PDZD2: variants seen among roughly 807,000 people sequenced by gnomAD.
The protein encoded by PDZD2 is PDZ domain containing 2.
PDZD2 carries 90 observed loss-of-function variants against 220.7 expected under a neutral mutation model. The observed-to-expected ratio is 0.41, with a 90% CI of 0.34 to 0.49. The LOEUF (loss-of-function observed/expected upper bound fraction) is 0.49. PDZD2 is among the 20% of genes least tolerant of loss of function. The probability of loss-of-function intolerance (pLI) is 0.28; values close to 1 mark genes in which losing one functional copy is unlikely to be tolerated. For synonymous variants in PDZD2, 1,375 were observed against 1,450.5 expected (o/e 0.95, Z 1.18); for missense variants, 3,174 against 3,608.5 (o/e 0.88, Z 3.08).
intron 19 of PDZD2, among the ~76,000 whole-genome samples, chr5:32,086,663 T>TTTGTTGTTGTTGTTG (rs57422179): frequency 4.0e-5 from 6 of 150,586 alleles, no homozygotes; most frequent in Admixed American, 6.6e-5. Flanking sequence ...AGAACGCCGT[T>TTTGTTGTTGTTGTTG]TTGTTGTTGT....
Position 31,721,684 on chromosome 5 carries a change from A to C in PDZD2, c.-360-77205A>C, listed in dbSNP as rs1748805894. ...AATTAAATTATGCCTAATGCTTTGC[A>C]ATTTTTTTCTGCCTTCCCTATCTTA... is the stretch of plus-strand genomic sequence containing the variant. On this transcript the variant is annotated intron_variant, in intron 1 of 24. Transcript: ENST00000438447. 2.1e-5 allele frequency among the ~76,000 whole-genome samples: 3 copies of C among 139,772 alleles called. No homozygotes were observed. The Admixed American group carries it at 2.2e-4, about 10-fold the overall frequency. 91.7% of individuals were successfully genotyped at this position (139,772 alleles called of 152,430 possible).
At chr5:32,061,187 A>G in intron 14 of PDZD2, 53 bp downstream of exon 14, 1 of 1,576,142 alleles carries the variant, frequency 6.3e-7, no homozygotes, top group Non-Finnish European at 8.7e-7. Context: ...CCTTCCTAGG[A>G]TATCGTATAC....
chr5:31,896,503 A>G (rs748495583), intron 2 of PDZD2, among the ~76,000 whole-genome samples: 52 of 152,258 alleles, frequency 3.4e-4, no homozygotes, highest in Admixed American at 7.9e-4. Context: ...TCCGCTCAGA[A>G]AAAGTTTAGT....
At chr5:31,953,514 C>T (rs974437058) in intron 2 of PDZD2, among the ~76,000 whole-genome samples, 1 of 151,992 alleles carries the variant, frequency 6.6e-6, no homozygotes, top group Non-Finnish European at 1.5e-5. Context: ...GCTAATACAT[C>T]ACAAAAAATA....
chr5:31,744,152 C>A (rs990422348), intron 1 of PDZD2: 2 of 152,196 alleles, frequency 1.3e-5, no homozygotes, highest in Non-Finnish European at 2.9e-5. Context: ...TTCTTGGCAT[C>A]ATTGAACCAT....
intron 22 of PDZD2, among the ~76,000 whole-genome samples, chr5:32,097,933 T>A (rs976563602): frequency 6.6e-6 from 1 of 152,302 alleles, no homozygotes. Flanking sequence ...TTTTTTTTTA[T>A]AAAGCAAGTG....
At position 32,097,275 on chromosome 5, in the gene PDZD2, C is replaced by G; in HGVS notation, c.7846-4C>G. On this transcript the variant is annotated splice_region_variant and splice_polypyrimidine_tract_variant and intron_variant, in intron 21 of 24. Transcript: ENST00000438447. Reference sequence around the variant, plus strand: ...AAAGGATAATTTTTGTTTGTTTTCACTAGAATGAAGAAGATGTTTGCTTCA... The same window carrying G: ...AAAGGATAATTTTTGTTTGTTTTCAGTAGAATGAAGAAGATGTTTGCTTCA... 6.3e-7 allele frequency: 1 copy of G among 1,588,638 alleles called. No homozygotes were observed.
In PDZD2 at chr5:31,959,963, A is replaced by C. The variant is rs140775486; in HGVS notation, c.477-23192A>C. 3.6e-3 allele frequency among the ~76,000 whole-genome samples: 539 copies of C among 151,250 alleles called. 2 individuals are homozygous for C. Among genetic ancestry groups the C allele is most frequent in the African/African-American group, 0.012 (506 of 41,198 alleles). On this transcript the variant is annotated intron_variant, in intron 2 of 24. Coordinates refer to ENST00000438447, the MANE Select transcript of PDZD2 (RefSeq NM_178140.4). ...CAGTCTCTACCTCCATCTTCACATC[A>C]CCTTTTTCTATCTCTGCCTGTCCTT...
intron 1 of PDZD2, among the ~76,000 whole-genome samples, chr5:31,761,670 G>A (rs983535796): frequency 2.0e-5 from 3 of 152,046 alleles, no homozygotes; most frequent in Non-Finnish European, 4.4e-5. Flanking sequence ...AGACCAGCCT[G>A]GCCAACATGG....
chr5:31,787,904 G>A (rs900635182), intron 1 of PDZD2, among the ~76,000 whole-genome samples: 6 of 152,098 alleles, frequency 3.9e-5, no homozygotes, highest in Non-Finnish European at 5.9e-5. Context: ...TTATTTTATG[G>A]TCTCTTTCTC....
chr5:31,669,456 G>C (rs945090021), intron 1 of PDZD2, among the ~76,000 whole-genome samples: 2 of 151,784 alleles, frequency 1.3e-5, no homozygotes, highest in African/African-American at 4.8e-5. Context: ...GTCAATGGTA[G>C]GGAGAAACTC....
chr5:31,968,101 G>C (rs1748921755), intron 2 of PDZD2, among the ~76,000 whole-genome samples: 1 of 152,226 alleles, frequency 6.6e-6, no homozygotes, highest in Non-Finnish European at 1.5e-5. Flanking sequence ...ATTAGATCAT[G>C]AGGGTGGTGC....
chr5:31,752,318 G>T (rs1751047305), intron 1 of PDZD2, among the ~76,000 whole-genome samples: 1 of 152,008 alleles, frequency 6.6e-6, no homozygotes, highest in Non-Finnish European at 1.5e-5. Flanking sequence ...GGAGGCCAGG[G>T]CAGGCGAATC....
intron 2 of PDZD2, among the ~76,000 whole-genome samples, chr5:31,895,826 C>T (rs184093631): frequency 2.2e-4 from 33 of 152,284 alleles, no homozygotes; most frequent in Admixed American, 7.2e-4. Flanking sequence ...GCCTGAGCAG[C>T]GTAGCCTTTT....
chr5:32,092,810 T>G (rs1460897634), intron 20 of PDZD2, 97 bp from the exon 21 acceptor site: 5 of 581,698 alleles, frequency 8.6e-6, no homozygotes, highest in African/African-American at 1.9e-5. Flanking sequence ...CTGTTCTCTT[T>G]TGTATAGTAG....
chr5:31,654,206 C>T (rs1485326713), intron 1 of PDZD2, among the ~76,000 whole-genome samples: 1 of 152,216 alleles, frequency 6.6e-6, no homozygotes, highest in Non-Finnish European at 1.5e-5. Context: ...AGGATCAATT[C>T]TGAGCCTTTT....
At chr5:31,998,586 A>G (rs965135368) in intron 4 of PDZD2, among the ~76,000 whole-genome samples, 1 of 152,186 alleles carries the variant, frequency 6.6e-6, no homozygotes, top group Non-Finnish European at 1.5e-5. Context: ...GGAGGCGTGC[A>G]TGTGTTTCAT....
chr5:32,060,848 G>C (rs1318271710), intron 13 of PDZD2, among the ~76,000 whole-genome samples, 154 bp from the exon 14 acceptor site: 1 of 149,134 alleles, frequency 6.7e-6, no homozygotes, highest in African/African-American at 2.5e-5. Context: ...TGAATGTGTT[G>C]CATTTTTACA....
chr5:32,052,101 T>C (rs1488054054), intron 8 of PDZD2, among the ~76,000 whole-genome samples: 1 of 152,162 alleles, frequency 6.6e-6, no homozygotes, highest in East Asian at 1.9e-4. Context: ...AGCAGTTCTT[T>C]ATGTGGGGGA....
Sources: gnomAD v4.1 joint callset for allele counts (sites outside exome capture counted in the v4.1 genomes callset) on GRCh38, gnomAD v4.1.1 for gene constraint, MANE v1.5 for transcripts, NCBI Gene and HGNC (gene_info 2026-07-23, HGNC 2026-07-21) for gene names.